Variants in CWC27 observed in about 807,000 individuals in gnomAD.
The protein encoded by CWC27 is CWC27 spliceosome associated cyclophilin.
CWC27 carries 47 observed loss-of-function variants against 63.6 expected under a neutral mutation model. The observed-to-expected ratio is 0.74, with a 90% CI of 0.58 to 0.94. The LOEUF is 0.94. Among genes scored for constraint, CWC27 ranks in the 40% least tolerant of loss-of-function variants. The pLI is 0.00. For missense variants in CWC27, 495 were observed against 554.3 expected, an observed-to-expected ratio of 0.89 and a Z score of 1.07; for synonymous variants, 175 against 179.8, an observed-to-expected ratio of 0.97 and a Z score of 0.22.
intron 11 of CWC27, among the ~76,000 whole-genome samples, chr5:64,961,745 C>T (rs972141093): frequency 6.6e-6 from 1 of 152,072 alleles, no homozygotes; most frequent in Admixed American, 6.6e-5. Flanking sequence ...TCATACATAC[C>T]TCAGCTCATA....
intron 10 of CWC27, among the ~76,000 whole-genome samples, chr5:64,879,525 G>T (rs1357867838): frequency 6.6e-6 from 1 of 151,896 alleles, no homozygotes; most frequent in Non-Finnish European, 1.5e-5. Context: ...AAAGAGGTAG[G>T]ATAAGATCCT....
At chr5:64,980,961 G>A (rs1345187105) in intron 13 of CWC27, among the ~76,000 whole-genome samples, 3 of 151,996 alleles carry the variant, frequency 2.0e-5, no homozygotes, top group South Asian at 2.1e-4. Context: ...GCATGGTGGC[G>A]GGTGCCTGTG....
intron 10 of CWC27, among the ~76,000 whole-genome samples, chr5:64,861,878 A>G (rs1447459240): frequency 6.6e-6 from 1 of 152,238 alleles, no homozygotes; most frequent in Non-Finnish European, 1.5e-5. Context: ...AATGTTCAAT[A>G]TCATGCTATT....
At chr5:64,794,653 A>G (rs1313817929) in intron 7 of CWC27, among the ~76,000 whole-genome samples, 1 of 152,158 alleles carries the variant, frequency 6.6e-6, no homozygotes, top group Non-Finnish European at 1.5e-5. Flanking sequence ...GAGGAACTGG[A>G]TATAATAATA....
chr5:64,796,930 C>G (rs917910660), intron 7 of CWC27, among the ~76,000 whole-genome samples: 8 of 147,646 alleles, frequency 5.4e-5, no homozygotes, highest in African/African-American at 1.8e-4. Context: ...TCTTTCTCTC[C>G]CTGTCTCCCC....
intron 11 of CWC27, among the ~76,000 whole-genome samples, chr5:64,957,068 A>G (rs1748815631): frequency 6.6e-6 from 1 of 152,190 alleles, no homozygotes; most frequent in Non-Finnish European, 1.5e-5. Context: ...AATACCACAC[A>G]TGCAAGTATT....
chr5:64,962,885 G>A (rs1580751939), intron 11 of CWC27, among the ~76,000 whole-genome samples: 1 of 152,176 alleles, frequency 6.6e-6, no homozygotes, highest in Non-Finnish European at 1.5e-5. Flanking sequence ...CCTAGAGAGA[G>A]GGTCAGAAGA....
intron 10 of CWC27, among the ~76,000 whole-genome samples, chr5:64,853,742 C>A (rs1432719771): frequency 2.0e-5 from 3 of 152,122 alleles, no homozygotes; most frequent in African/African-American, 7.2e-5. Flanking sequence ...CAGCAACAAA[C>A]CATTCAGGAA....
intron 11 of CWC27, among the ~76,000 whole-genome samples, chr5:64,949,175 T>C (rs927966381): frequency 2.0e-5 from 3 of 152,086 alleles, no homozygotes; most frequent in African/African-American, 7.2e-5. Context: ...CTCAGGGAAA[T>C]TGTTATTTTA....
intron 13 of CWC27, among the ~76,000 whole-genome samples, chr5:64,992,533 C>T (rs1318686988): frequency 1.4e-5 from 2 of 146,922 alleles, no homozygotes; most frequent in East Asian, 4.0e-4. Context: ...ACTTTCTACA[C>T]TTTTTTTTTT....
intron 13 of CWC27, among the ~76,000 whole-genome samples, chr5:65,011,860 C>T (rs1470885332): frequency 1.1e-4 from 16 of 152,170 alleles, no homozygotes; most frequent in Admixed American, 1.0e-3. Context: ...CCCTGCTTAG[C>T]ATCCCTATTT....
At chr5:64,995,005 GA>G (rs1469872070) in intron 13 of CWC27, among the ~76,000 whole-genome samples, 2 of 138,466 alleles carry the variant, frequency 1.4e-5, no homozygotes, top group Non-Finnish European at 3.1e-5. Flanking sequence ...CAAAAGCTCT[GA>G]AATTTTTTTT....
intron 10 of CWC27, among the ~76,000 whole-genome samples, chr5:64,854,716 C>T (rs1580676202): frequency 6.6e-6 from 1 of 152,134 alleles, no homozygotes; most frequent in Non-Finnish European, 1.5e-5. Context: ...ACGGCTGTTA[C>T]TATATTTCAG....
chr5:64,837,435 C>T (rs542478164), intron 10 of CWC27, among the ~76,000 whole-genome samples: 7 of 151,758 alleles, frequency 4.6e-5, no homozygotes, highest in Admixed American at 1.3e-4. Flanking sequence ...AATGTGACTC[C>T]ATTGCTTACT....
At chr5:64,998,609 T>C (rs550484799) in intron 13 of CWC27, among the ~76,000 whole-genome samples, 1 of 152,236 alleles carries the variant, frequency 6.6e-6, no homozygotes, top group South Asian at 2.1e-4. Flanking sequence ...AGAGTTAGCC[T>C]TTCAAAACTC....
intron 13 of CWC27, among the ~76,000 whole-genome samples, chr5:65,002,967 C>T (rs1023490032): frequency 2.0e-5 from 3 of 152,042 alleles, no homozygotes; most frequent in African/African-American, 7.2e-5. Context: ...TCTGGGTGCT[C>T]GAATGTTGGG....
At position 64,940,355 on chromosome 5, in the gene CWC27, T is replaced by G. The variant is rs368777703; in HGVS notation, c.1043-31348T>G. Among the ~76,000 whole-genome samples the G allele has an allele frequency of 1.3e-4, 20 of 152,250 alleles. No homozygotes were observed. The East Asian group carries it at 2.3e-3, about 18-fold the overall frequency. ...CGGCACAGTCCCTCAGGGCTTCCCT[T>G]GGCTGGGGGAGGGAGTTCTCTGACT... On this transcript the variant is annotated intron_variant, in intron 11 of 13. Coordinates refer to ENST00000381070, the MANE Select transcript of CWC27 (RefSeq NM_005869.4).
chr5:64,971,711 G>T lies in CWC27; in HGVS notation c.1051G>T (p.Ala351Ser), dbSNP rs769608992. The T allele has an allele frequency of 6.3e-7, 1 of 1,596,800 alleles. No individual in the cohort carries two copies. The highest frequency in any genetic ancestry group is 1.4e-5 in the African/African-American group (1 of 73,386). Residue 351 changes from alanine to serine, a missense_variant, in exon 12 of 14, where the codon GCC (alanine) becomes TCC (serine). Physicochemically the swap from Ala to Ser is moderately conservative, Grantham distance 99. This residue lies in a region of CWC27 where 463 missense variants were observed against 498.1 expected (regional missense o/e 0.93). Transcript: ENST00000381070. ...ATTCTACTATTCTTTAGAGGAAGAA[G>T]CCCCTCCAGATGGTGCTGTTGCCGA... Reference protein sequence around the residue: ...QAEKRSEEEEAPPDGAVAEYR... With the variant: ...QAEKRSEEEESPPDGAVAEYR...
At position 64,882,454 on chromosome 5, in the gene CWC27, G is replaced by A. The variant is rs1170406364; in HGVS notation, c.939-2989G>A. 2.0e-5 allele frequency among the ~76,000 whole-genome samples: 3 copies of A among 152,172 alleles called. No homozygotes were observed. In the East Asian group the frequency reaches 5.8e-4, roughly 29 times the overall value. On this transcript the variant is annotated intron_variant, in intron 10 of 13. Transcript: ENST00000381070. ...TTGAGATTTGCTATAAGTGTAAAAT[G>A]CACACTGTATTTTGAAGACTTAGTA...
Sources: allele counts gnomAD v4.1 joint callset (sites outside exome capture counted in the v4.1 genomes callset), GRCh38; gene constraint gnomAD v4.1.1; regional missense constraint gnomAD v4.1.1; transcripts MANE v1.5; gene names NCBI Gene and HGNC (gene_info 2026-07-23, HGNC 2026-07-21).